Variants in NBAS observed in about 807,000 individuals in gnomAD.
NBAS encodes the protein NAG/BC035112 fusion.
Under a neutral mutation model 302.5 loss-of-function variants are expected in NBAS, and 219 were observed. That is an observed-to-expected ratio of 0.72 (90% confidence interval 0.65 to 0.81). NBAS has a LOEUF of 0.81. Ranked by LOEUF, NBAS falls within the 30% of genes least tolerant of loss-of-function variation. The pLI is 0.00. For synonymous variants in NBAS, 1,118 were observed against 1,021.6 expected, an observed-to-expected ratio of 1.09 and a Z score of -1.80; for missense variants, 2,932 against 2,841.6, an observed-to-expected ratio of 1.03 and a Z score of -0.72.
rs1680401643 is a variant in NBAS, at chr2:15,480,867, A to C, written c.1084-2578T>G. 2.0e-5 allele frequency among the ~76,000 whole-genome samples: 3 copies of C among 152,246 alleles called. No individual in the cohort carries two copies. In the South Asian group the frequency reaches 6.2e-4, roughly 32 times the overall value. ...AAAATTAACCATTTTTAAATGAACA[A>C]TTCAGGGGCACTTAGTGCATTTACC... is the stretch of plus-strand genomic sequence containing the variant. On this transcript the variant is annotated intron_variant, in intron 12 of 51. Coordinates refer to ENST00000281513, the MANE Select transcript of NBAS (RefSeq NM_015909.4).
At chr2:15,519,202 A>C (rs575400480) in intron 9 of NBAS, among the ~76,000 whole-genome samples, 3 of 152,360 alleles carry the variant, frequency 2.0e-5, no homozygotes, top group Admixed American at 2.0e-4. Flanking sequence ...GAATATGCTA[A>C]GCCACTGAAG....
At chr2:15,023,945 G>A in the NBAS span, among the ~76,000 whole-genome samples, 2 of 151,420 alleles carry the variant, frequency 1.3e-5, no homozygotes, top group Admixed American at 1.3e-4. Flanking sequence ...TTTATTTTCT[G>A]GAAAATTATT....
chr2:14,838,318 A>G, the NBAS span, among the ~76,000 whole-genome samples: 2 of 151,938 alleles, frequency 1.3e-5, no homozygotes, highest in East Asian at 1.9e-4. Context: ...TCATATCACT[A>G]TGTGTTTCAC....
At chr2:15,211,458 T>G (rs543036816) in intron 48 of NBAS, among the ~76,000 whole-genome samples, 1 of 152,348 alleles carries the variant, frequency 6.6e-6, no homozygotes, top group Non-Finnish European at 1.5e-5. Context: ...CAGAATACTT[T>G]GCATAATTTA....
chr2:15,305,283 G>A (rs558016711), intron 40 of NBAS, among the ~76,000 whole-genome samples: 2 of 151,992 alleles, frequency 1.3e-5, no homozygotes, highest in Admixed American at 6.6e-5. Context: ...GGCTCTTCCC[G>A]CTTTGCTTGG....
the NBAS span, among the ~76,000 whole-genome samples, chr2:14,789,362 A>C: frequency 5.3e-5 from 8 of 151,990 alleles, no homozygotes; most frequent in East Asian, 1.4e-3. Context: ...ACTGTCTGGC[A>C]CTCCCTAGTG....
the NBAS span, among the ~76,000 whole-genome samples, chr2:14,789,074 T>C: frequency 1.3e-5 from 2 of 152,220 alleles, no homozygotes; most frequent in African/African-American, 4.8e-5. Flanking sequence ...CGCCTTGCAG[T>C]TTGATCTCAG....
chr2:15,182,586 C>T (rs1316210966), intron 50 of NBAS, among the ~76,000 whole-genome samples: 2 of 152,162 alleles, frequency 1.3e-5, no homozygotes, highest in African/African-American at 2.4e-5. Context: ...TTCGTCTCAG[C>T]GAAATCCTGG....
At chr2:15,477,849 C>T (rs535378783) in intron 13 of NBAS, among the ~76,000 whole-genome samples, 12 of 152,140 alleles carry the variant, frequency 7.9e-5, no homozygotes, top group South Asian at 2.1e-4. Context: ...TTCTTTAAAA[C>T]GTGGAAATGT....
chr2:15,286,964 T>C (rs1558504096), intron 42 of NBAS, 109 bp downstream of exon 42: 1 of 854,060 alleles, frequency 1.2e-6, no homozygotes, highest in South Asian at 1.5e-5. Flanking sequence ...TAGTCCACTG[T>C]AGATTAAAGG....
the NBAS span, among the ~76,000 whole-genome samples, chr2:14,952,087 A>G: frequency 6.6e-6 from 1 of 152,076 alleles, no homozygotes; most frequent in East Asian, 1.9e-4. Flanking sequence ...CTCAGAAAGG[A>G]CCCTGCCTCC....
intron 40 of NBAS, among the ~76,000 whole-genome samples, chr2:15,296,259 C>T (rs1268907046): frequency 6.6e-6 from 1 of 152,140 alleles, no homozygotes; most frequent in East Asian, 1.9e-4. Flanking sequence ...CATTAAGAGG[C>T]TGGGCATGGT....
At chr2:15,123,192 T>C in the NBAS span, among the ~76,000 whole-genome samples, 1 of 152,168 alleles carries the variant, frequency 6.6e-6, no homozygotes, top group Admixed American at 6.5e-5. Context: ...GTTTCTCCTT[T>C]GGCTTCTTAT....
the NBAS span, among the ~76,000 whole-genome samples, chr2:14,921,452 T>C: frequency 6.6e-6 from 1 of 152,192 alleles, no homozygotes; most frequent in Non-Finnish European, 1.5e-5. Flanking sequence ...ATCAACTTCC[T>C]CAGCACAGGG....
At chr2:15,367,348 G>A (rs1446898122) in intron 31 of NBAS, among the ~76,000 whole-genome samples, 1 of 152,040 alleles carries the variant, frequency 6.6e-6, no homozygotes. Context: ...TTACAGCAGA[G>A]ATGGCAACCT....
the NBAS span, among the ~76,000 whole-genome samples, chr2:14,794,911 ATGT>A: frequency 1.3e-5 from 2 of 152,162 alleles, no homozygotes; most frequent in Admixed American, 6.5e-5. Context: ...AGATACACCT[ATGT>A]TGTTGTATGT....
At chr2:15,550,203 G>T (rs1369102981) in intron 6 of NBAS, among the ~76,000 whole-genome samples, 1 of 152,080 alleles carries the variant, frequency 6.6e-6, no homozygotes, top group Admixed American at 6.5e-5. Context: ...CCATGAGGGA[G>T]TGGGGGAATC....
chr2:14,866,982 A>G, the NBAS span, among the ~76,000 whole-genome samples: 1 of 152,326 alleles, frequency 6.6e-6, no homozygotes, highest in African/African-American at 2.4e-5. Flanking sequence ...TATATGCCTG[A>G]CTTTTTTAGT....
At chr2:14,812,408 A>G in the NBAS span, among the ~76,000 whole-genome samples, 878 of 152,298 alleles carry the variant, frequency 5.8e-3, 10 homozygotes, top group African/African-American at 0.019. Context: ...AGACTTCTAC[A>G]AGTCCCCCAC....
Sources: gnomAD v4.1 joint callset for allele counts (sites outside exome capture counted in the v4.1 genomes callset) on GRCh38, gnomAD v4.1.1 for gene constraint, MANE v1.5 for transcripts, NCBI Gene and HGNC (gene_info 2026-07-23, HGNC 2026-07-21) for gene names.